SLC7A14: variants seen among roughly 807,000 people sequenced by gnomAD.
The protein encoded by SLC7A14 is solute carrier family 7 member 14, also known as gamma-aminobutyric acid transporter SLC7A14.
Under a neutral mutation model 60.2 loss-of-function variants are expected in SLC7A14, and 37 were observed. The observed-to-expected ratio is 0.61, with a 90% CI of 0.47 to 0.81. The LOEUF (loss-of-function observed/expected upper bound fraction) is 0.81, where lower values mean the gene tolerates loss of function less well. SLC7A14 is among the 30% of genes least tolerant of loss of function. The pLI, the probability that SLC7A14 is intolerant of heterozygous loss-of-function variation, is 0.00. For synonymous variants in SLC7A14, 399 were observed against 395.8 expected (o/e 1.01, Z -0.10); for missense variants, 886 against 982.7 (o/e 0.90, Z 1.32).
intron 5 of SLC7A14, among the ~76,000 whole-genome samples, chr3:170,484,045 T>G (rs565407085): frequency 6.6e-6 from 1 of 152,342 alleles, no homozygotes; most frequent in South Asian, 2.1e-4. Flanking sequence ...TATAGCCTAT[T>G]AACTGTTGGG....
chr3:170,525,858 G>C (rs1713478708), intron 2 of SLC7A14, among the ~76,000 whole-genome samples: 1 of 152,156 alleles, frequency 6.6e-6, no homozygotes, highest in Non-Finnish European at 1.5e-5. Context: ...AAAGTGCGGG[G>C]TCAGGAGTAC....
At chr3:170,551,278 T>G (rs1714343322) in intron 1 of SLC7A14, among the ~76,000 whole-genome samples, 1 of 152,256 alleles carries the variant, frequency 6.6e-6, no homozygotes, top group African/African-American at 2.4e-5. Flanking sequence ...TATACCATAT[T>G]TTGTTCACTC....
intron 5 of SLC7A14, among the ~76,000 whole-genome samples, 177 bp downstream of exon 5, chr3:170,486,045 C>G (rs1438392196): frequency 1.3e-5 from 2 of 152,144 alleles, no homozygotes; most frequent in African/African-American, 4.8e-5. Flanking sequence ...GGGGCTTCTC[C>G]TCTTCTTCAG....
intron 2 of SLC7A14, among the ~76,000 whole-genome samples, chr3:170,510,185 T>C (rs1403527080): frequency 2.7e-5 from 4 of 150,668 alleles, no homozygotes; most frequent in African/African-American, 9.8e-5. Flanking sequence ...AGGTCAGGAG[T>C]TCGAGATCAG....
Position 170,498,828 on chromosome 3 carries a change from T to C in SLC7A14, c.598A>G (p.Thr200Ala), listed in dbSNP as rs189535853. The C allele has an allele frequency of 3.1e-6, 5 of 1,614,100 alleles. No individual in the cohort carries two copies. In the East Asian group the frequency reaches 6.7e-5, roughly 22 times the overall value. The change falls in exon 4 of 8, where the codon ACC (threonine) becomes GCC (alanine). Residue 200 changes from threonine (T) to alanine (A), a missense_variant. Physicochemically the swap from Thr to Ala is moderately conservative, Grantham distance 58. Coordinates refer to ENST00000231706, the MANE Select transcript of SLC7A14 (RefSeq NM_020949.3). ...LLALLIAVIVTIIVALGVKNS... is the reference protein window; with the variant it reads ...LLALLIAVIVAIIVALGVKNS... ...TTCACCCCCAGAGCAACAATGATGGTCACGATGACCGCGATCAACAGAGCC... is the reference window on the plus strand; with the variant it reads ...TTCACCCCCAGAGCAACAATGATGGCCACGATGACCGCGATCAACAGAGCC...
chr3:170,578,618 G>A (rs1432310626), intron 1 of SLC7A14, among the ~76,000 whole-genome samples: 1 of 152,186 alleles, frequency 6.6e-6, no homozygotes, highest in Non-Finnish European at 1.5e-5. Context: ...TAAAGTCATA[G>A]TAATTGTATA....
chr3:170,507,825 G>T lies in SLC7A14; in HGVS notation c.305-6480C>A, dbSNP rs947814623. ...GTAAAAGCAGGTGGCTCCGTTTGAA[G>T]GGTGGGAGAACCGAGGCTGGTCTGC... On this transcript the variant is annotated intron_variant, in intron 2 of 7. Transcript: ENST00000231706. 1.4e-4 allele frequency among the ~76,000 whole-genome samples: 22 copies of T among 152,214 alleles called. 1 individual carries two copies. Among genetic ancestry groups the T allele is most frequent in the Admixed American group, 7.2e-4 (11 of 15,284 alleles).
chr3:170,526,510 T>G (rs1281697372), intron 2 of SLC7A14, 123 bp downstream of exon 2: 1 of 1,239,462 alleles, frequency 8.1e-7, no homozygotes, highest in African/African-American at 1.5e-5. Flanking sequence ...AAAAAGAGCA[T>G]GATGATCCAC....
At chr3:170,494,912 A>G (rs1262477806) in intron 4 of SLC7A14, among the ~76,000 whole-genome samples, 4 of 152,224 alleles carry the variant, frequency 2.6e-5, no homozygotes, top group African/African-American at 7.2e-5. Flanking sequence ...CTTTGGTAGA[A>G]AGGGCTTTGG....
intron 2 of SLC7A14, among the ~76,000 whole-genome samples, chr3:170,523,632 T>C (rs566637707): frequency 6.6e-6 from 1 of 152,310 alleles, no homozygotes; most frequent in African/African-American, 2.4e-5. Context: ...CAGCAATTAT[T>C]GCTGGAGATA....
Position 170,467,145 on chromosome 3 carries a change from C to G in SLC7A14, c.2226G>C (p.Arg742=). ...TTTTGCTCTTCGCTTTGCTACTTGTCCGGCCGTTTGCCTTCGCATCTGACA... is the reference window on the plus strand; with the variant it reads ...TTTTGCTCTTCGCTTTGCTACTTGTGCGGCCGTTTGCCTTCGCATCTGACA... The part of the protein sequence containing the change: ...QQMSDAKANG[R]TSSKAKSKSK... Residue 742 remains arginine, a synonymous_variant, in exon 8 of 8, where the codon CGG becomes CGC. Transcript: ENST00000231706. The G allele has an allele frequency of 6.2e-7, 1 of 1,614,254 alleles. No homozygotes were observed. Among genetic ancestry groups the G allele is most frequent in the Non-Finnish European group, 8.5e-7 (1 of 1,180,052 alleles).
chr3:170,487,710 G>A (rs917070451), intron 4 of SLC7A14, among the ~76,000 whole-genome samples: 4 of 152,298 alleles, frequency 2.6e-5, no homozygotes, highest in East Asian at 1.9e-4. Flanking sequence ...GTTTCCTACC[G>A]TTTCTCTCAG....
At chr3:170,519,885 T>C (rs1713292714) in intron 2 of SLC7A14, among the ~76,000 whole-genome samples, 1 of 152,202 alleles carries the variant, frequency 6.6e-6, no homozygotes, top group Non-Finnish European at 1.5e-5. Context: ...TGACTGGAGC[T>C]ACAGCAGCCG....
intron 1 of SLC7A14, among the ~76,000 whole-genome samples, chr3:170,567,264 T>G (rs182782756): frequency 2.0e-3 from 296 of 151,108 alleles, no homozygotes; most frequent in Non-Finnish European, 2.9e-3. Context: ...CGGTGTTTTG[T>G]TTTTTGTCCT....
chr3:170,483,499 C>T lies in SLC7A14; in HGVS notation c.930G>A (p.Met310Ile). ...YVSVSVILTL[M>I]VPYYTIDTES... Reference sequence around the variant, plus strand: ...CCGTGTCAATGGTATAATATGGCACCATCAGAGTTAAGATCACGCTCACCT... The same window carrying T: ...CCGTGTCAATGGTATAATATGGCACTATCAGAGTTAAGATCACGCTCACCT... The change falls in exon 6 of 8, where the codon ATG (methionine) becomes ATA (isoleucine). Residue 310 changes from methionine (M) to isoleucine (I), a missense_variant. Met to Ile is a conservative substitution (Grantham distance 10). Transcript: ENST00000231706. 6.2e-7 allele frequency: 1 copy of T among 1,614,164 alleles called. No individual in the cohort carries two copies. Among genetic ancestry groups the T allele is most frequent in the Non-Finnish European group, 8.5e-7 (1 of 1,180,036 alleles).
At chr3:170,551,450 A>G (rs564674164) in intron 1 of SLC7A14, among the ~76,000 whole-genome samples, 1 of 152,234 alleles carries the variant, frequency 6.6e-6, no homozygotes, top group South Asian at 2.1e-4. Context: ...ATGGCATCTC[A>G]ATGTTTAACA....
rs1446632874 is a variant in SLC7A14 at position 170,471,482 on chromosome 3, A to T, written c.1994-4105T>A. Among the ~76,000 whole-genome samples the T allele has an allele frequency of 1.1e-3, 172 of 152,356 alleles. 1 individual carries two copies. The highest frequency in any genetic ancestry group is 1.2e-4 in the Non-Finnish European group (8 of 68,040). On this transcript the variant is annotated intron_variant, in intron 7 of 7. Transcript: ENST00000231706. The stretch of plus-strand genomic sequence containing the variant: ...TATTTGAGTATGCATCTCTAAAAAA[A>T]GCAGTATCATCACAACTAAAAATTA...
intron 2 of SLC7A14, among the ~76,000 whole-genome samples, chr3:170,515,340 A>G (rs13100205): frequency 4.1e-5 from 6 of 147,668 alleles, no homozygotes; most frequent in Non-Finnish European, 9.0e-5. Context: ...ATATATATAT[A>G]TGTATATATA....
chr3:170,523,059 G>C (rs1479810648), intron 2 of SLC7A14, among the ~76,000 whole-genome samples: 2 of 152,168 alleles, frequency 1.3e-5, no homozygotes, highest in Non-Finnish European at 2.9e-5. Context: ...CCTAATTTAG[G>C]GTTTGGCACA....
Sources: allele counts gnomAD v4.1 joint callset (sites outside exome capture counted in the v4.1 genomes callset), GRCh38; gene constraint gnomAD v4.1.1; transcripts MANE v1.5; gene names NCBI Gene and HGNC (gene_info 2026-07-23, HGNC 2026-07-21).